The following CDKL3 variants were observed in gnomAD, a reference collection of about 807,000 sequenced individuals.
CDKL3 encodes cyclin dependent kinase like 3, also known as cyclin-dependent kinase-like 3.
CDKL3 carries 65 observed loss-of-function variants against 69.3 expected under a neutral mutation model. The ratio of observed to expected loss-of-function variants is 0.94; its 90% CI spans 0.77 to 1.15. The LOEUF (loss-of-function observed/expected upper bound fraction) is 1.15, where lower values mean the gene tolerates loss of function less well. Ranked by LOEUF, CDKL3 falls within the 50% of genes most tolerant of loss-of-function variation. CDKL3 has a pLI of 0.00. For synonymous variants in CDKL3, 202 were observed against 221.6 expected (o/e 0.91, Z 0.79); for missense variants, 652 against 689.2 (o/e 0.95, Z 0.61).
intron 11 of CDKL3, among the ~76,000 whole-genome samples, chr5:134,304,180 T>G (rs1260333469): frequency 2.0e-5 from 3 of 152,080 alleles, no homozygotes; most frequent in Admixed American, 6.6e-5. Flanking sequence ...CCTCCTGCAT[T>G]GGCCTCCCAA....
intron 3 of CDKL3, among the ~76,000 whole-genome samples, chr5:134,358,286 T>C (rs1755107322): frequency 6.6e-6 from 1 of 152,122 alleles, no homozygotes; most frequent in South Asian, 2.1e-4. Context: ...CTACTTCTAT[T>C]TTCACAATGG....
chr5:134,299,820 G>T, intron 12 of CDKL3: 1 of 1,004,114 alleles, frequency 1.0e-6, no homozygotes, highest in Non-Finnish European at 1.5e-6. Flanking sequence ...AATACAGCCA[G>T]AGATAAATAC....
chr5:134,327,137 C>G (rs1228151174), intron 4 of CDKL3, among the ~76,000 whole-genome samples: 10 of 151,938 alleles, frequency 6.6e-5, no homozygotes, highest in Non-Finnish European at 1.5e-4. Flanking sequence ...GTTGCTGAGG[C>G]TAAGTTCTGG....
intron 3 of CDKL3, 150 bp from the exon 4 acceptor site, chr5:134,350,577 G>C: frequency 1.7e-6 from 1 of 596,258 alleles, no homozygotes; most frequent in South Asian, 2.4e-5. Flanking sequence ...TGCAAATATA[G>C]TTATATGTTT....
chr5:134,309,694 G>GC (rs1287055993), intron 7 of CDKL3, among the ~76,000 whole-genome samples: 1 of 152,082 alleles, frequency 6.6e-6, no homozygotes, highest in Non-Finnish European at 1.5e-5. Flanking sequence ...CCCTAGTCCA[G>GC]CCCACTCTTC....
chr5:134,296,958 T>C (rs1580762613), downstream of CDKL3, among the ~76,000 whole-genome samples: 1 of 149,680 alleles, frequency 6.7e-6, no homozygotes, highest in Non-Finnish European at 1.5e-5. Context: ...TTTTCTTTTT[T>C]TTTTTTTTTT....
chr5:134,313,266 G>C (rs1400339015), intron 6 of CDKL3, among the ~76,000 whole-genome samples: 1 of 152,142 alleles, frequency 6.6e-6, no homozygotes, highest in South Asian at 2.1e-4. Flanking sequence ...GCCCAGGCTG[G>C]AGTGCAGTGG....
chr5:134,330,314 G>A (rs1175666509), intron 4 of CDKL3, among the ~76,000 whole-genome samples: 3 of 152,152 alleles, frequency 2.0e-5, no homozygotes, highest in Non-Finnish European at 4.4e-5. Flanking sequence ...CCACCAAAAT[G>A]TTTATAAAAT....
chr5:134,295,015 T>C (rs558130148), downstream of CDKL3, among the ~76,000 whole-genome samples: 273 of 141,766 alleles, frequency 1.9e-3, no homozygotes, highest in African/African-American at 6.5e-3. Context: ...TTTTTTCTTT[T>C]TTTTTTTTTT....
At chr5:134,325,776 T>A (rs992708406) in intron 4 of CDKL3, among the ~76,000 whole-genome samples, 10 of 151,890 alleles carry the variant, frequency 6.6e-5, no homozygotes, top group East Asian at 1.9e-4. Context: ...TATTATTATT[T>A]TTTTTGAGAT....
intron 6 of CDKL3, among the ~76,000 whole-genome samples, chr5:134,316,887 A>G (rs1771230403): frequency 6.6e-6 from 1 of 152,116 alleles, no homozygotes; most frequent in Non-Finnish European, 1.5e-5. Flanking sequence ...GGAAAACTTT[A>G]GAAGTTTGTA....
At chr5:134,298,023 T>G (rs1324474843), downstream of CDKL3, among the ~76,000 whole-genome samples, 3 of 151,146 alleles carry the variant, frequency 2.0e-5, no homozygotes, top group Non-Finnish European at 1.5e-5. Flanking sequence ...AACCTTGGCC[T>G]CCCGGATTCA....
At chr5:134,352,462 G>A (rs754470326) in intron 3 of CDKL3, among the ~76,000 whole-genome samples, 8 of 151,778 alleles carry the variant, frequency 5.3e-5, no homozygotes, top group African/African-American at 7.3e-5. Context: ...CACCACGCCC[G>A]GCTAATTTTT....
intron 8 of CDKL3, among the ~76,000 whole-genome samples, chr5:134,287,699 A>G (rs535514355): frequency 2.7e-4 from 41 of 152,318 alleles, no homozygotes; most frequent in African/African-American, 8.7e-4. Context: ...TTGAAAGCCA[A>G]TGTAGTCCCT....
intron 4 of CDKL3, among the ~76,000 whole-genome samples, chr5:134,323,379 T>C (rs1003888036): frequency 1.3e-5 from 2 of 152,286 alleles, no homozygotes; most frequent in African/African-American, 2.4e-5. Flanking sequence ...ATATTGACAA[T>C]TGATTGCAAA....
intron 8 of CDKL3, among the ~76,000 whole-genome samples, chr5:134,290,823 C>T (rs1765096844): frequency 1.3e-5 from 2 of 151,976 alleles, no homozygotes; most frequent in South Asian, 2.1e-4. Context: ...AAGTGTGAGC[C>T]ACCACACACA....
chr5:134,350,658 A>G (rs567147574), intron 3 of CDKL3, among the ~76,000 whole-genome samples: 1 of 152,200 alleles, frequency 6.6e-6, no homozygotes, highest in Non-Finnish European at 1.5e-5. Context: ...CTAAAAAGGC[A>G]AATAACATTC....
chr5:134,293,394 G>A (rs1393898703), intron 8 of CDKL3, among the ~76,000 whole-genome samples: 1 of 152,096 alleles, frequency 6.6e-6, no homozygotes, highest in Non-Finnish European at 1.5e-5. Flanking sequence ...AAATGGGGGA[G>A]TGCTGGGGGG....
intron 4 of CDKL3, among the ~76,000 whole-genome samples, chr5:134,339,636 A>T (rs1749956574): frequency 6.6e-6 from 1 of 152,218 alleles, no homozygotes; most frequent in Non-Finnish European, 1.5e-5. Flanking sequence ...TTCTCAAGTC[A>T]CATGGAACAT....
Sources: allele counts gnomAD v4.1 joint callset (sites outside exome capture counted in the v4.1 genomes callset), GRCh38; gene constraint gnomAD v4.1.1; transcripts MANE v1.5; gene names NCBI Gene and HGNC (gene_info 2026-07-23, HGNC 2026-07-21).